The following CCDC191 variants were observed in gnomAD, a reference collection of about 807,000 sequenced individuals.
The protein encoded by CCDC191 is coiled-coil domain containing 191.
In CCDC191, 99 loss-of-function variants were observed where a neutral mutation model predicts 114.0. That is an observed-to-expected ratio of 0.87 (90% confidence interval 0.74 to 1.03). The LOEUF (loss-of-function observed/expected upper bound fraction) is 1.03. Among genes scored for constraint, CCDC191 ranks in the 50% least tolerant of loss-of-function variants. CCDC191 has a pLI of 0.00. For missense variants in CCDC191, 973 were observed against 1,087.0 expected (o/e 0.90, Z 1.47); for synonymous variants, 351 against 376.0 (o/e 0.93, Z 0.77).
Position 114,031,799 on chromosome 3 carries a change from A to T in CCDC191, c.819-20T>A. 1.9e-6 allele frequency: 2 copies of T among 1,040,812 alleles called. No individual in the cohort carries two copies. The highest frequency in any genetic ancestry group is 2.9e-6 in the Non-Finnish European group (2 of 693,340). The allele number at this position is 1,040,812 out of a possible 1,614,324, so 64.5% of individuals were successfully genotyped here. A position where few individuals can be genotyped will look rare whatever the true frequency, so the allele number is the denominator to read the frequency against. ...TTCTCTCTATTAATAACAATTTAAA[A>T]ATACATGTATATTTACAATAGATTT... On this transcript the variant is annotated intron_variant, in intron 6 of 16. Transcript: ENST00000295878.
At chr3:113,985,795 G>T (rs893543183) in intron 13 of CCDC191, among the ~76,000 whole-genome samples, 5 of 152,154 alleles carry the variant, frequency 3.3e-5, no homozygotes, top group African/African-American at 1.2e-4. Flanking sequence ...CTCAACAATG[G>T]TGACCACGGC....
intron 6 of CCDC191, 31 bp from the exon 7 acceptor site, chr3:114,031,810 A>T (rs1312397476): frequency 3.1e-6 from 3 of 959,574 alleles, no homozygotes; most frequent in Non-Finnish European, 4.8e-6. Flanking sequence ...ATACATGTAT[A>T]TTTACAATAG....
chr3:113,996,161 C>T (rs566482770), intron 13 of CCDC191, among the ~76,000 whole-genome samples: 5 of 152,100 alleles, frequency 3.3e-5, no homozygotes, highest in South Asian at 2.1e-4. Context: ...GCTTTTGTTG[C>T]AATTGCTATT....
intron 7 of CCDC191, among the ~76,000 whole-genome samples, chr3:114,024,922 G>A (rs1442989557): frequency 6.6e-6 from 1 of 152,162 alleles, no homozygotes; most frequent in Non-Finnish European, 1.5e-5. Context: ...ATTCTGCAAT[G>A]TAAAAGCAAT....
chr3:113,970,141 G>T (rs1371392466), intron 16 of CCDC191, among the ~76,000 whole-genome samples: 2 of 152,024 alleles, frequency 1.3e-5, no homozygotes, highest in Admixed American at 6.6e-5. Context: ...TTCTTTTTCA[G>T]ATTGTTCACT....
At chr3:114,035,820 C>G (rs1577459444) in intron 5 of CCDC191, among the ~76,000 whole-genome samples, 1 of 152,226 alleles carries the variant, frequency 6.6e-6, no homozygotes, top group Non-Finnish European at 1.5e-5. Flanking sequence ...AAGACAATGA[C>G]TATATAGCTT....
At chr3:113,987,688 G>A (rs907439424) in intron 13 of CCDC191, among the ~76,000 whole-genome samples, 3 of 152,140 alleles carry the variant, frequency 2.0e-5, no homozygotes, top group Non-Finnish European at 4.4e-5. Flanking sequence ...TACATGCTAC[G>A]ACACTCAGGT....
rs781717980 is a variant in CCDC191, at chr3:114,046,632, GT to G, written c.229del (p.Thr77HisfsTer5). On this transcript the variant is annotated frameshift_variant, in exon 3 of 17. Coordinates refer to ENST00000295878, the MANE Select transcript of CCDC191 (RefSeq NM_020817.2). LOFTEE classifies it high-confidence loss of function. ...SPWGQITDLK[T>X]SEQIEDHDEI... ...ATCATGATCCTCTATTTGCTCAGAT[GT>G]TTTCAAATCTGTGATTTGGCCCCAG... is the stretch of plus-strand genomic sequence containing the variant. The G allele has an allele frequency of 6.2e-7, 1 of 1,610,478 alleles. No individual in the cohort carries two copies. The highest frequency in any genetic ancestry group is 8.5e-7 in the Non-Finnish European group (1 of 1,177,046).
At chr3:114,010,166 G>T (rs1433464866) in intron 9 of CCDC191, among the ~76,000 whole-genome samples, 1 of 151,936 alleles carries the variant, frequency 6.6e-6, no homozygotes, top group Non-Finnish European at 1.5e-5. Flanking sequence ...AAAAAACATG[G>T]CCTTCCTTTT....
chr3:113,986,185 G>C (rs73230269), intron 13 of CCDC191, among the ~76,000 whole-genome samples: 2,980 of 152,254 alleles, frequency 0.02, 47 homozygotes, highest in South Asian at 0.032. Flanking sequence ...TGGTAATAGA[G>C]ATAAAGAGGC....
At chr3:113,996,779 C>T (rs906346525) in intron 13 of CCDC191, among the ~76,000 whole-genome samples, 4 of 151,084 alleles carry the variant, frequency 2.6e-5, no homozygotes, top group Non-Finnish European at 4.4e-5. Flanking sequence ...GAACAGAAAA[C>T]CAAAAACTGC....
intron 2 of CCDC191, among the ~76,000 whole-genome samples, chr3:114,048,994 C>CT (rs1167342601): frequency 6.6e-6 from 1 of 152,242 alleles, no homozygotes; most frequent in African/African-American, 2.4e-5. Flanking sequence ...TATGGAAAGA[C>CT]TGGTGGAACC....
chr3:113,977,087 A>G (rs1354221905), intron 16 of CCDC191, among the ~76,000 whole-genome samples: 1 of 152,196 alleles, frequency 6.6e-6, no homozygotes, highest in Non-Finnish European at 1.5e-5. Flanking sequence ...AAACATGCAA[A>G]TAAAAAGAAA....
At position 113,977,746 on chromosome 3, in the gene CCDC191, AG is replaced by A. The variant is rs1159399290; in HGVS notation, c.2606+439del. 3.9e-5 allele frequency among the ~76,000 whole-genome samples: 6 copies of A among 152,224 alleles called. No individual in the cohort carries two copies. In the East Asian group the frequency reaches 9.6e-4, roughly 24 times the overall value. On this transcript the variant is annotated intron_variant, in intron 16 of 16. Transcript: ENST00000295878. ...GTTTTGACCTCAGTGGTGGTAACAA[AG>A]GGTGTCCACTTTACAGTCATTCGTT...
At chr3:113,991,603 G>T (rs549223889) in intron 13 of CCDC191, among the ~76,000 whole-genome samples, 2 of 152,262 alleles carry the variant, frequency 1.3e-5, no homozygotes, top group East Asian at 3.9e-4. Flanking sequence ...CTCTAGATCT[G>T]AAACAAGGCA....
rs1294731708 is a variant in CCDC191, at chr3:114,005,711, G to A, written c.1665C>T (p.Arg555=). Residue 555 remains arginine (R), a synonymous_variant, in exon 10 of 17, where the codon CGC becomes CGT. Transcript: ENST00000295878. Reference sequence around the variant, plus strand: ...CAATCAGCTGTTGCTGGAAGACATGGCGGTTGTGGAAATGACCCAAGCAAA... The same window carrying A: ...CAATCAGCTGTTGCTGGAAGACATGACGGTTGTGGAAATGACCCAAGCAAA... The part of the protein sequence containing the change: ...EPLCLGHFHN[R]HVFQQQLIEK... The A allele has an allele frequency of 3.1e-6, 5 of 1,614,142 alleles. No individual in the cohort carries two copies. The highest frequency in any genetic ancestry group is 4.2e-6 in the Non-Finnish European group (5 of 1,180,006).
At chr3:114,002,564 TA>T (rs777918228) in intron 11 of CCDC191, 26 bp from the exon 12 acceptor site, 1 of 1,536,678 alleles carries the variant, frequency 6.5e-7, no homozygotes. Flanking sequence ...AGAGTTCTAA[TA>T]TTTTTTATAT....
chr3:114,044,060 T>C (rs977441742), intron 3 of CCDC191, among the ~76,000 whole-genome samples: 2 of 152,070 alleles, frequency 1.3e-5, no homozygotes, highest in Non-Finnish European at 2.9e-5. Flanking sequence ...ATGTCAAATA[T>C]GGTATTGGCT....
chr3:114,019,892 C>T (rs562593644), intron 7 of CCDC191, among the ~76,000 whole-genome samples: 1 of 152,264 alleles, frequency 6.6e-6, no homozygotes, highest in South Asian at 2.1e-4. Flanking sequence ...TCTATGCTTT[C>T]TTCAGCCAAA....
Sources: allele counts gnomAD v4.1 joint callset (sites outside exome capture counted in the v4.1 genomes callset), GRCh38; gene constraint gnomAD v4.1.1; transcripts MANE v1.5; gene names NCBI Gene and HGNC (gene_info 2026-07-23, HGNC 2026-07-21).